ZMYM2: variants seen among roughly 807,000 people sequenced by gnomAD.
The protein encoded by ZMYM2 is zinc finger MYM-type protein 2.
ZMYM2 carries 56 observed loss-of-function variants against 162.8 expected under a neutral mutation model. The ratio of observed to expected loss-of-function variants is 0.34; its 90% CI spans 0.28 to 0.43. ZMYM2 has a LOEUF of 0.43. ZMYM2 is among the 20% of genes least tolerant of loss of function. The pLI is 1.00. For synonymous variants in ZMYM2, 510 were observed against 541.6 expected, an observed-to-expected ratio of 0.94 and a Z score of 0.81; for missense variants, 1,275 against 1,621.8, an observed-to-expected ratio of 0.79 and a Z score of 3.67.
the ZMYM2 span, among the ~76,000 whole-genome samples, chr13:19,946,748 T>C: frequency 1.3e-5 from 2 of 152,328 alleles, no homozygotes; most frequent in African/African-American, 4.8e-5. Context: ...AACAAAGATC[T>C]TAGTAAAAGT....
At chr13:19,922,553 G>A in the ZMYM2 span, among the ~76,000 whole-genome samples, 1 of 152,038 alleles carries the variant, frequency 6.6e-6, no homozygotes, top group African/African-American at 2.4e-5. Context: ...CATATGAAAA[G>A]CCAGTGGTTG....
chr13:20,056,446 C>T (rs1955802591), intron 14 of ZMYM2, among the ~76,000 whole-genome samples: 1 of 152,194 alleles, frequency 6.6e-6, no homozygotes, highest in Admixed American at 6.5e-5. Context: ...CTAGTCTCTT[C>T]TCCAGCCCCT....
At chr13:19,939,337 T>C in the ZMYM2 span, among the ~76,000 whole-genome samples, 1 of 152,030 alleles carries the variant, frequency 6.6e-6, no homozygotes, top group African/African-American at 2.4e-5. Context: ...ATTTTGTCTT[T>C]TGACAGTTCA....
At chr13:20,076,417 G>T (rs1331073666) in intron 21 of ZMYM2, among the ~76,000 whole-genome samples, 1 of 150,450 alleles carries the variant, frequency 6.6e-6, no homozygotes, top group East Asian at 1.9e-4. Context: ...TGGATCTCAA[G>T]AAAAGTATAT....
rs376356665 is a variant in ZMYM2, at chr13:20,021,204, T to C, written c.1584+1586T>C. On this transcript the variant is annotated intron_variant, in intron 7 of 24. Transcript: ENST00000610343. ...GTTAGCCAGGATGGTCTCGATCTCC[T>C]GACCTCATGATCCGCCTGCCTCGGC... Among the ~76,000 whole-genome samples the C allele has an allele frequency of 1.1e-4, 16 of 152,232 alleles. No individual in the cohort carries two copies. The East Asian group carries it at 2.5e-3, about 24-fold the overall frequency.
chr13:20,015,375 T>TAA (rs1250926366), intron 6 of ZMYM2, among the ~76,000 whole-genome samples: 3 of 152,220 alleles, frequency 2.0e-5, no homozygotes, highest in Admixed American at 1.3e-4. Flanking sequence ...TGGCCTAACA[T>TAA]AGTTCATTCT....
At chr13:20,050,608 T>C (rs1955235834) in intron 12 of ZMYM2, among the ~76,000 whole-genome samples, 1 of 152,040 alleles carries the variant, frequency 6.6e-6, no homozygotes, top group Admixed American at 6.6e-5. Flanking sequence ...ACATCACTTA[T>C]ATTTTCGTTA....
At chr13:19,998,792 T>C (rs1303592360) in intron 3 of ZMYM2, among the ~76,000 whole-genome samples, 3 of 152,208 alleles carry the variant, frequency 2.0e-5, no homozygotes, top group Admixed American at 6.5e-5. Flanking sequence ...TCATCCTTTT[T>C]AAAGTTTTGG....
the ZMYM2 span, among the ~76,000 whole-genome samples, chr13:19,924,283 G>A: frequency 0.34 from 51,757 of 151,898 alleles, 9,873 homozygotes; most frequent in East Asian, 0.56. Context: ...TGTCTTTTCC[G>A]GCCAGGCACG....
At chr13:20,028,227 C>T (rs985928386) in intron 9 of ZMYM2, among the ~76,000 whole-genome samples, 4 of 152,134 alleles carry the variant, frequency 2.6e-5, no homozygotes, top group Admixed American at 1.3e-4. Flanking sequence ...TGATAAACCA[C>T]GTTTAAGACT....
At position 20,006,593 on chromosome 13, in the gene ZMYM2, C is replaced by T. The variant is rs558004858; in HGVS notation, c.1512+7C>T. ...TGTCAGTGAATACAAACAGGTAATT[C>T]ATGTTCTAATCAAAATTGGGCATTC... On this transcript the variant is annotated splice_region_variant and intron_variant, in intron 6 of 24. Coordinates refer to ENST00000610343, the MANE Select transcript of ZMYM2 (RefSeq NM_197968.4). 58 of 1,612,828 alleles carry T rather than the reference C, an allele frequency of 3.6e-5. No homozygotes were observed. In the South Asian group the frequency reaches 6.4e-4, roughly 18 times the overall value.
chr13:20,015,156 T>C (rs1299510805), intron 6 of ZMYM2, among the ~76,000 whole-genome samples: 1 of 152,224 alleles, frequency 6.6e-6, no homozygotes, highest in Non-Finnish European at 1.5e-5. Flanking sequence ...TGGTATTCTT[T>C]TAGTTTTGTT....
chr13:20,004,056 A>G (rs916629937), intron 4 of ZMYM2, among the ~76,000 whole-genome samples: 1 of 152,248 alleles, frequency 6.6e-6, no homozygotes, highest in Non-Finnish European at 1.5e-5. Flanking sequence ...ATCTTGGAGC[A>G]GCTCAATTCT....
At position 20,075,920 on chromosome 13, in the gene ZMYM2, G is replaced by A. The variant is rs1028784045; in HGVS notation, c.3454-6096G>A. On this transcript the variant is annotated intron_variant, in intron 21 of 24. Transcript: ENST00000610343. ...CATGTTGGCCAGGCTGGTCTCAAAC[G>A]CCTGATCTCAGGTGATCCCCCCACC... Among the ~76,000 whole-genome samples, 46 of 151,192 alleles carry A rather than the reference G, an allele frequency of 3.0e-4. 1 individual carries two copies. The highest frequency in any genetic ancestry group is 3.0e-3 in the Admixed American group (46 of 15,172).
intron 6 of ZMYM2, among the ~76,000 whole-genome samples, chr13:20,011,062 AATT>A (rs1245157635): frequency 1.3e-5 from 2 of 152,254 alleles, no homozygotes; most frequent in African/African-American, 2.4e-5. Flanking sequence ...ATCACCCCAA[AATT>A]ATTTTTTTAT....
At chr13:19,952,442 ATTAT>A in the ZMYM2 span, among the ~76,000 whole-genome samples, 7 of 152,214 alleles carry the variant, frequency 4.6e-5, no homozygotes, top group African/African-American at 7.2e-5. Context: ...TTGTGCCTAT[ATTAT>A]TTAGTCACTG....
chr13:19,989,070 T>G (rs1453125347), intron 2 of ZMYM2, among the ~76,000 whole-genome samples: 1 of 152,160 alleles, frequency 6.6e-6, no homozygotes, highest in South Asian at 2.1e-4. Context: ...GCAAACTACT[T>G]CTGTCAGTAT....
chr13:19,965,448 A>G (rs2139151362), intron 2 of ZMYM2, among the ~76,000 whole-genome samples: 1 of 152,354 alleles, frequency 6.6e-6, no homozygotes, highest in Middle Eastern at 3.4e-3. Context: ...CAGAGTGTTC[A>G]GGGTAATAAT....
At position 19,993,319 on chromosome 13, in the gene ZMYM2, A is replaced by T; in HGVS notation, c.247A>T (p.Thr83Ser). 6.2e-7 allele frequency: 1 copy of T among 1,613,944 alleles called. No homozygotes were observed. Among genetic ancestry groups the T allele is most frequent in the Non-Finnish European group, 8.5e-7 (1 of 1,179,874 alleles). Residue 83 changes from threonine to serine, a missense_variant, in exon 3 of 25, where the codon ACA becomes TCA. Around this residue, in one of 10 missense-constraint regions of ZMYM2, gnomAD observed 295 missense variants for 286.7 expected, o/e 1.03. Coordinates refer to ENST00000610343, the MANE Select transcript of ZMYM2 (RefSeq NM_197968.4). ...AGTGGTAGCTGATCAAAGAACCATAACATTTACATCATCAAAAAATGAAGA... is the reference window on the plus strand; with the variant it reads ...AGTGGTAGCTGATCAAAGAACCATATCATTTACATCATCAAAAAATGAAGA... ...VPVVADQRTITFTSSKNEELQ... is the reference protein window; with the variant it reads ...VPVVADQRTISFTSSKNEELQ...
Sources: gnomAD v4.1 joint callset for allele counts (sites outside exome capture counted in the v4.1 genomes callset) on GRCh38, gnomAD v4.1.1 for gene constraint, gnomAD v4.1.1 regional missense constraint, MANE v1.5 for transcripts, NCBI Gene and HGNC (gene_info 2026-07-23, HGNC 2026-07-21) for gene names.